Variants in CCDC91 observed in about 807,000 individuals in gnomAD.
The protein encoded by CCDC91 is coiled-coil domain-containing protein 91.
CCDC91 carries 48 observed loss-of-function variants against 63.2 expected under a neutral mutation model. The observed-to-expected ratio is 0.76, with a 90% CI of 0.60 to 0.97. CCDC91 has a LOEUF of 0.97. Among genes scored for constraint, CCDC91 ranks in the 50% least tolerant of loss-of-function variants. The probability of loss-of-function intolerance (pLI) is 0.00; values close to 1 mark genes in which losing one functional copy is unlikely to be tolerated. For missense variants in CCDC91, 500 were observed against 494.6 expected, an observed-to-expected ratio of 1.01 and a Z score of -0.10; for synonymous variants, 167 against 165.8, an observed-to-expected ratio of 1.01 and a Z score of -0.06.
At chr12:28,274,707 G>T (rs1020997248) in intron 3 of CCDC91, among the ~76,000 whole-genome samples, 3 of 152,114 alleles carry the variant, frequency 2.0e-5, no homozygotes, top group African/African-American at 7.2e-5. Flanking sequence ...CTGAGACTTT[G>T]CTGAGGTTGC....
At position 28,257,183 on chromosome 12, in the gene CCDC91, A is replaced by C. The variant is rs781471141; in HGVS notation, c.-14-19A>C. The C allele has an allele frequency of 1.3e-6, 2 of 1,570,958 alleles. No homozygotes were observed. Among genetic ancestry groups the C allele is most frequent in the African/African-American group, 2.7e-5 (2 of 73,972 alleles). On this transcript the variant is annotated intron_variant, in intron 1 of 12. Transcript: ENST00000536442. ...GACTGTGTGTGTGCGGGCTTGTTTC[A>C]ATATCTTATATTTTTCAGGTGCCAC... is the stretch of plus-strand genomic sequence containing the variant.
intron 6 of CCDC91, among the ~76,000 whole-genome samples, chr12:28,318,145 A>T (rs1307479727): frequency 6.6e-6 from 1 of 151,914 alleles, no homozygotes; most frequent in East Asian, 1.9e-4. Flanking sequence ...AAATTTTATT[A>T]ATTTTATCAC....
At chr12:28,372,274 C>A (rs890797640) in intron 7 of CCDC91, among the ~76,000 whole-genome samples, 1 of 152,026 alleles carries the variant, frequency 6.6e-6, no homozygotes, top group African/African-American at 2.4e-5. Flanking sequence ...GGTAAATATG[C>A]TTCCAGATTT....
At chr12:28,483,193 A>G (rs1951539725) in intron 11 of CCDC91, among the ~76,000 whole-genome samples, 1 of 152,186 alleles carries the variant, frequency 6.6e-6, no homozygotes, top group African/African-American at 2.4e-5. Flanking sequence ...AAGCAAAGTC[A>G]TACATACAGT....
chr12:28,250,648 G>T (rs1946059888), intron 1 of CCDC91, among the ~76,000 whole-genome samples: 1 of 152,076 alleles, frequency 6.6e-6, no homozygotes, highest in East Asian at 1.9e-4. Context: ...AGAGGGAAAA[G>T]GAAGTCATGT....
intron 8 of CCDC91, among the ~76,000 whole-genome samples, chr12:28,405,255 A>G (rs1373241010): frequency 6.6e-6 from 1 of 152,064 alleles, no homozygotes; most frequent in Non-Finnish European, 1.5e-5. Flanking sequence ...TTTTCAAATG[A>G]TGTTATGCCA....
rs1565771537 is a variant in CCDC91 at position 28,306,934 on chromosome 12, A to G, written c.460A>G (p.Arg154Gly). The G allele has an allele frequency of 2.5e-6, 4 of 1,591,212 alleles. 1 individual carries two copies. Among genetic ancestry groups the G allele is most frequent in the South Asian group, 2.2e-5 (2 of 89,862 alleles). The change falls in exon 5 of 13, where the codon AGA (arginine) becomes GGA (glycine). Residue 154 changes from arginine to glycine, a missense_variant. Physicochemically the swap from Arg to Gly is moderately radical, Grantham distance 125 (BLOSUM62 -2). Transcript: ENST00000536442. ...KLKVSEEEKQ[R>G]IKQDVESLME... Reference sequence around the variant, plus strand: ...CAAAGTATCTGAAGAAGAAAAACAGAGAATTAAACAGGTATATTTACATTT... The same window carrying G: ...CAAAGTATCTGAAGAAGAAAAACAGGGAATTAAACAGGTATATTTACATTT...
rs187735127 is a variant in CCDC91 at position 28,225,438 on chromosome 12, C to T, written c.-14-31764C>T. Among the ~76,000 whole-genome samples, 14 of 152,106 alleles carry T rather than the reference C, an allele frequency of 9.2e-5. No individual in the cohort carries two copies. In the East Asian group the frequency reaches 2.7e-3, roughly 29 times the overall value. On this transcript the variant is annotated intron_variant, in intron 1 of 12. Coordinates refer to ENST00000536442, the MANE Select transcript of CCDC91 (RefSeq NM_018318.5). ...GCTGTTGACTGCCTATTTAGCATTA[C>T]CCCTTTTCCCACTACCCCCTTTTTT...
chr12:28,253,860 G>C (rs1455511021), intron 1 of CCDC91, among the ~76,000 whole-genome samples: 4 of 152,090 alleles, frequency 2.6e-5, no homozygotes, highest in Admixed American at 2.6e-4. Context: ...CTTCCAACCA[G>C]ATATATCATC....
chr12:28,251,291 GA>G (rs940545709), intron 1 of CCDC91, among the ~76,000 whole-genome samples: 1 of 151,962 alleles, frequency 6.6e-6, no homozygotes, highest in African/African-American at 2.4e-5. Flanking sequence ...TTTAGAAGGG[GA>G]GGGGTGCAGG....
intron 7 of CCDC91, among the ~76,000 whole-genome samples, chr12:28,374,678 A>G (rs1456574966): frequency 3.9e-5 from 6 of 152,150 alleles, no homozygotes; most frequent in African/African-American, 1.2e-4. Context: ...ACAGTAAGTT[A>G]TGATAGGACT....
At chr12:28,417,639 A>ATG (rs1565941206) in intron 8 of CCDC91, among the ~76,000 whole-genome samples, 1 of 121,494 alleles carries the variant, frequency 8.2e-6, no homozygotes, top group Admixed American at 8.7e-5. Flanking sequence ...ATATATATAT[A>ATG]TACACACACA....
At chr12:28,541,208 A>G (rs182317348) in intron 12 of CCDC91, among the ~76,000 whole-genome samples, 8 of 152,310 alleles carry the variant, frequency 5.3e-5, no homozygotes, top group African/African-American at 1.9e-4. Flanking sequence ...AGCAGGGAGC[A>G]AGTACTACCA....
chr12:28,317,689 A>T (rs956355481), intron 6 of CCDC91, among the ~76,000 whole-genome samples: 1 of 151,890 alleles, frequency 6.6e-6, no homozygotes, highest in Admixed American at 6.6e-5. Context: ...TAATTTTTTT[A>T]GAGAAGATGA....
rs181090236 is a variant in CCDC91 at position 28,277,166 on chromosome 12, A to G, written c.109+17724A>G. On this transcript the variant is annotated intron_variant, in intron 3 of 12. Transcript: ENST00000536442. ...TGAGAACTGAAAAAGCCTGGGTTCA[A>G]ATATATTTTTATAACAATAACCCCA... Among the ~76,000 whole-genome samples, 156 of 152,078 alleles carry G rather than the reference A, an allele frequency of 1.0e-3. 1 individual carries two copies. Among genetic ancestry groups the G allele is most frequent in the African/African-American group, 3.4e-3 (141 of 41,552 alleles).
chr12:28,396,644 TTGTGTGTGTG>T lies in CCDC91; in HGVS notation c.762+5260_762+5269del, dbSNP rs1283305556. On this transcript the variant is annotated intron_variant, in intron 8 of 12. Transcript: ENST00000536442. Reference sequence around the variant, plus strand: ...TAGATGCTCATTGATAAAGGAGATTTTGTGTGTGTGTGTGTGTGTGTGTGTGTGTGTGTGT... The same window carrying T: ...TAGATGCTCATTGATAAAGGAGATTTTGTGTGTGTGTGTGTGTGTGTGTGT... Among the ~76,000 whole-genome samples the T allele has an allele frequency of 6.3e-3, 99 of 15,772 alleles. 1 individual carries two copies. Among genetic ancestry groups the T allele is most frequent in the African/African-American group, 7.1e-3 (94 of 13,324 alleles). The allele number at this position is 15,772 out of a possible 152,430, so 10.3% of individuals were successfully genotyped here.
At chr12:28,482,645 G>A (rs1356935449) in intron 11 of CCDC91, among the ~76,000 whole-genome samples, 2 of 151,806 alleles carry the variant, frequency 1.3e-5, no homozygotes, top group African/African-American at 4.8e-5. Flanking sequence ...TCTAAAAACC[G>A]ATGAAAATAA....
rs1946305922 is a variant in CCDC91, at chr12:28,396,643, T to TG, written c.762+5232_762+5233insG. Among the ~76,000 whole-genome samples, 6 of 6,958 alleles carry TG rather than the reference T, an allele frequency of 8.6e-4. No individual in the cohort carries two copies. The Admixed American group carries it at 0.012, about 13-fold the overall frequency. The allele number at this position is 6,958 out of a possible 152,430, so 4.6% of individuals were successfully genotyped here. A position where few individuals can be genotyped will look rare whatever the true frequency, so the allele number is the denominator to read the frequency against. ...GTAGATGCTCATTGATAAAGGAGAT[T>TG]TTGTGTGTGTGTGTGTGTGTGTGTG... is the stretch of plus-strand genomic sequence containing the variant. On this transcript the variant is annotated intron_variant, in intron 8 of 12. Coordinates refer to ENST00000536442, the MANE Select transcript of CCDC91 (RefSeq NM_018318.5).
chr12:28,327,521 C>A (rs953094674), intron 6 of CCDC91, among the ~76,000 whole-genome samples: 1 of 152,060 alleles, frequency 6.6e-6, no homozygotes, highest in Non-Finnish European at 1.5e-5. Flanking sequence ...AATCTTTGGG[C>A]CCTATGTAAA....
Sources: allele counts gnomAD v4.1 joint callset (sites outside exome capture counted in the v4.1 genomes callset), GRCh38; gene constraint gnomAD v4.1.1; transcripts MANE v1.5; gene names NCBI Gene and HGNC (gene_info 2026-07-23, HGNC 2026-07-21).